The following PIEZO1 variants were observed in gnomAD, a reference collection of about 807,000 sequenced individuals.
PIEZO1 encodes the protein piezo type mechanosensitive ion channel component 1 (Er blood group).
A neutral mutation model predicts 297.2 loss-of-function variants in PIEZO1; 296 were observed. The observed-to-expected ratio is 1.00, with a 90% CI of 0.91 to 1.10. The LOEUF (loss-of-function observed/expected upper bound fraction) is 1.10, where lower values mean the gene tolerates loss of function less well. PIEZO1 is among the 50% of genes least tolerant of loss of function. The pLI, the probability that PIEZO1 is intolerant of heterozygous loss-of-function variation, is 0.00. For missense variants in PIEZO1, 5,018 were observed against 3,455.5 expected (o/e 1.45, Z -11.34); for synonymous variants, 2,427 against 1,507.5 (o/e 1.61, Z -14.13).
rs750545429 is a variant in PIEZO1, at chr16:88,736,201, G to A, written c.1504C>T (p.Arg502Cys). The change falls in exon 12 of 51, where the codon CGC becomes TGC. Residue 502 changes from arginine (R) to cysteine (C), a missense_variant. Transcript: ENST00000301015. ...LPTTLGPVSL[R>C]QLGLEHTRYP... ...CGGGTGTGCTCCAGCCCCAGCTGGC[G>A]CAGGCTGACGGGGCCCAGGGTGGTG... 5.6e-5 allele frequency: 87 copies of A among 1,549,452 alleles called. No homozygotes were observed. Among genetic ancestry groups the A allele is most frequent in the Admixed American group, 7.8e-5 (4 of 50,962 alleles).
chr16:88,769,884 G>A (rs922143071), intron 1 of PIEZO1, among the ~76,000 whole-genome samples: 2 of 152,206 alleles, frequency 1.3e-5, no homozygotes, highest in East Asian at 3.9e-4. Context: ...CAGAGAGGCC[G>A]GCATGGGGCG....
At chr16:88,749,354 G>C in intron 2 of PIEZO1, 30 bp downstream of exon 2, 17 of 1,391,992 alleles carry the variant, frequency 1.2e-5, no homozygotes, top group Non-Finnish European at 1.6e-5. Context: ...CTCCCACCCT[G>C]AGAGCGTGGG....
intron 19 of PIEZO1, 151 bp from the exon 20 acceptor site, chr16:88,732,883 G>A: frequency 1.4e-6 from 1 of 738,802 alleles, no homozygotes; most frequent in Non-Finnish European, 2.2e-6. Flanking sequence ...CCTTCACGGG[G>A]AAGGGGACCA....
In PIEZO1 at chr16:88,749,396, A is replaced by G. The variant is rs1906263798; in HGVS notation, c.148T>C (p.Cys50Arg). 2.0e-6 allele frequency: 3 copies of G among 1,509,678 alleles called. No homozygotes were observed. The highest frequency in any genetic ancestry group is 4.3e-5 in the Admixed American group (2 of 46,392). 93.5% of individuals were successfully genotyped at this position (1,509,678 alleles called of 1,614,324 possible). A position where few individuals can be genotyped will look rare whatever the true frequency, so the allele number is the denominator to read the frequency against. The stretch of plus-strand genomic sequence containing the variant: ...CCCCTGGCCTTACCTTGGAGGCCGC[A>G]TCGGGTGGGGCCGGGGAACCAGGGC... ...LLPWFPGPTR[C>R]GLQGHTGRLL... The change falls in exon 2 of 51, where the codon TGC becomes CGC. Residue 50 changes from cysteine to arginine, a missense_variant. Physicochemically the swap from Cys to Arg is radical, Grantham distance 180. Transcript: ENST00000301015.
intron 1 of PIEZO1, among the ~76,000 whole-genome samples, chr16:88,755,379 GAA>G (rs1036686647): frequency 2.0e-5 from 3 of 152,050 alleles, no homozygotes; most frequent in African/African-American, 7.2e-5. Context: ...GTGCAGGAAA[GAA>G]AAAAAAGAGT....
rs755877980 is a variant in PIEZO1 at position 88,722,821 on chromosome 16, G to A, written c.4668+16C>T. The A allele has an allele frequency of 3.0e-5, 47 of 1,542,230 alleles. No homozygotes were observed. The highest frequency in any genetic ancestry group is 3.8e-5 in the Non-Finnish European group (44 of 1,146,036). On this transcript the variant is annotated intron_variant, in intron 34 of 50. Transcript: ENST00000301015. ...CAGGCAGAGCAGGGACGAGCGTGGTGCACGGGCAGGCTCACCTGCAGGAGC... is the reference window on the plus strand; with the variant it reads ...CAGGCAGAGCAGGGACGAGCGTGGTACACGGGCAGGCTCACCTGCAGGAGC...
rs1180640622 is a variant in PIEZO1, at chr16:88,715,368, T to G, written c.*237A>C. On this transcript the variant is annotated 3_prime_UTR_variant, in exon 51 of 51. Coordinates refer to ENST00000301015, the MANE Select transcript of PIEZO1 (RefSeq NM_001142864.4). ...TTGTCCATTTGTATAAATAAAACAT[T>G]TTTTAATTAAAAAAAAAACTCTACA... 9 of 1,212,386 alleles carry G rather than the reference T, an allele frequency of 7.4e-6. No individual in the cohort carries two copies. The highest frequency in any genetic ancestry group is 3.1e-5 in the African/African-American group (2 of 64,994). 75.1% of individuals were successfully genotyped at this position (1,212,386 alleles called of 1,614,324 possible).
intron 27 of PIEZO1, 32 bp from the exon 28 acceptor site, chr16:88,725,716 C>T (rs2142782128): frequency 1.7e-6 from 2 of 1,171,874 alleles, no homozygotes; most frequent in Non-Finnish European, 2.5e-6. Context: ...GTGTGAGCAC[C>T]AGGCACTCGA....
At position 88,727,053 on chromosome 16, in the gene PIEZO1, G is replaced by A. The variant is rs780765106; in HGVS notation, c.3441C>T (p.Asn1147=). Residue 1147 remains asparagine (N), a synonymous_variant, in exon 24 of 51, where the codon AAC becomes AAT. Transcript: ENST00000301015. Reference sequence around the variant, plus strand: ...GTGGAACCCACCTGCAGTGGATAAAGTTGGGCACGGGGTTGGGCTCCCCCC... The same window carrying A: ...GTGGAACCCACCTGCAGTGGATAAAATTGGGCACGGGGTTGGGCTCCCCCC... ...PLRGEPNPVP[N]FIHCRSYLDM... 1.1e-4 allele frequency: 170 copies of A among 1,549,098 alleles called. No homozygotes were observed. Among genetic ancestry groups the A allele is most frequent in the Non-Finnish European group, 1.5e-5 (17 of 1,146,070 alleles).
rs1308090511 is a variant in PIEZO1 at position 88,725,173 on chromosome 16, G to T, written c.4163-93C>A. The T allele has an allele frequency of 6.6e-6, 6 of 905,624 alleles. No individual in the cohort carries two copies. The South Asian group carries it at 1.0e-4, about 15-fold the overall frequency. The allele number at this position is 905,624 out of a possible 1,614,324, so 56.1% of individuals were successfully genotyped here. On this transcript the variant is annotated intron_variant, in intron 29 of 50. Coordinates refer to ENST00000301015, the MANE Select transcript of PIEZO1 (RefSeq NM_001142864.4). ...TCCCGTCTTGGAGACAGGATAGGTG[G>T]AGACAGACACGGACACCCACAGTGA... is the stretch of plus-strand genomic sequence containing the variant.
chr16:88,736,580 G>A (rs960182811), intron 11 of PIEZO1, 59 bp downstream of exon 11: 7 of 1,423,926 alleles, frequency 4.9e-6, no homozygotes, highest in African/African-American at 2.9e-5. Context: ...CCACCCAGGC[G>A]ATGCCCCACA....
chr16:88,719,673 C>G lies in PIEZO1; in HGVS notation c.6372G>C (p.Trp2124Cys). The G allele has an allele frequency of 6.4e-7, 1 of 1,553,646 alleles. No individual in the cohort carries two copies. The highest frequency in any genetic ancestry group is 8.7e-7 in the Non-Finnish European group (1 of 1,148,802). Residue 2124 changes from tryptophan to cysteine, a missense_variant, in exon 44 of 51, where the codon TGG (tryptophan) becomes TGC (cysteine). By Grantham distance (215) the Trp-to-Cys change is radical (BLOSUM62 -2). Coordinates refer to ENST00000301015, the MANE Select transcript of PIEZO1 (RefSeq NM_001142864.4). ...GGGACAGCGTGGTGTCCGTCCACAC[C>G]CAGTCCATCACTGCCCGCAGCTCCA... ...FLVELRAVMD[W>C]VWTDTTLSLS...
Position 88,722,066 on chromosome 16 carries a change from C to G in PIEZO1, c.4956G>C (p.Arg1652Ser). The change falls in exon 37 of 51, where the codon AGG becomes AGC. Residue 1652 changes from arginine (R) to serine (S), a missense_variant and splice_region_variant. Physicochemically the swap from Arg to Ser is moderately radical, Grantham distance 110. Transcript: ENST00000301015. The part of the protein sequence containing the change: ...MRTASELLLD[R>S]RLRIPELEEA... Reference sequence around the variant, plus strand: ...CCTCCAGCTCTGGGATGCGCAGGCGCCTACAGGGAGACCCGCGTGTTTGGG... The same window carrying G: ...CCTCCAGCTCTGGGATGCGCAGGCGGCTACAGGGAGACCCGCGTGTTTGGG... 6.5e-7 allele frequency: 1 copy of G among 1,545,012 alleles called. No homozygotes were observed. Among genetic ancestry groups the G allele is most frequent in the Non-Finnish European group, 8.7e-7 (1 of 1,144,920 alleles).
chr16:88,768,230 C>T (rs1000102634), intron 1 of PIEZO1, among the ~76,000 whole-genome samples: 1 of 152,230 alleles, frequency 6.6e-6, no homozygotes, highest in Admixed American at 6.5e-5. Context: ...GCCTGGGCCT[C>T]GCAGCCCCTC....
intron 2 of PIEZO1, chr16:88,743,187 C>T (rs1422657920): frequency 2.2e-6 from 1 of 456,102 alleles, no homozygotes; most frequent in Middle Eastern, 3.3e-4. Flanking sequence ...GGCTGCAGGG[C>T]AGGGGCTGGG....
rs765932757 is a variant in PIEZO1 at position 88,727,117 on chromosome 16, C to A, written c.3377G>T (p.Arg1126Leu). ...FSAERTEEWQ[R>L]MAGVNTDRLE... Reference sequence around the variant, plus strand: ...GCGGTCGGTGTTGACGCCAGCCATGCGCTGCCACTCCTCTGTGCGCTCAGC... The same window carrying A: ...GCGGTCGGTGTTGACGCCAGCCATGAGCTGCCACTCCTCTGTGCGCTCAGC... The change falls in exon 24 of 51, where the codon CGC becomes CTC. Residue 1126 changes from arginine (R) to leucine (L), a missense_variant. Arg to Leu is a moderately radical substitution (Grantham distance 102, BLOSUM62 -2). Transcript: ENST00000301015. The A allele has an allele frequency of 1.0e-5, 16 of 1,549,954 alleles. No homozygotes were observed. Among genetic ancestry groups the A allele is most frequent in the Non-Finnish European group, 1.3e-5 (15 of 1,146,714 alleles).
At chr16:88,717,236 A>T in intron 44 of PIEZO1, 25 bp from the exon 45 acceptor site, 1 of 1,540,358 alleles carries the variant, frequency 6.5e-7, no homozygotes, top group South Asian at 1.2e-5. Flanking sequence ...CACAGGTCAT[A>T]CGCTCAGCTC....
chr16:88,721,004 CTG>C (rs1304714653), intron 39 of PIEZO1, among the ~76,000 whole-genome samples, 160 bp downstream of exon 39: 1 of 152,156 alleles, frequency 6.6e-6, no homozygotes, highest in Non-Finnish European at 1.5e-5. Flanking sequence ...AGGGACGGCT[CTG>C]TAGGCAGAGC....
At chr16:88,730,399 A>G (rs1222027203) in intron 22 of PIEZO1, among the ~76,000 whole-genome samples, 1 of 151,822 alleles carries the variant, frequency 6.6e-6, no homozygotes, top group Non-Finnish European at 1.5e-5. Flanking sequence ...GGAGTTCAAG[A>G]CCAGCCTGGC....
Sources: gnomAD v4.1 joint callset for allele counts (sites outside exome capture counted in the v4.1 genomes callset) on GRCh38, gnomAD v4.1.1 for gene constraint, MANE v1.5 for transcripts, NCBI Gene and HGNC (gene_info 2026-07-23, HGNC 2026-07-21) for gene names.